The following SRGAP1 variants were observed in gnomAD, a reference collection of about 807,000 sequenced individuals.
SRGAP1 encodes SLIT-ROBO Rho GTPase-activating protein 1.
A neutral mutation model predicts 121.9 loss-of-function variants in SRGAP1; 43 were observed. The ratio of observed to expected loss-of-function variants is 0.35; its 90% CI spans 0.28 to 0.46. SRGAP1 has a LOEUF of 0.46. Among genes scored for constraint, SRGAP1 ranks in the 20% least tolerant of loss-of-function variants. SRGAP1 has a pLI of 1.00. For missense variants in SRGAP1, 1,102 were observed against 1,350.9 expected, an observed-to-expected ratio of 0.82 and a Z score of 2.89; for synonymous variants, 447 against 485.4, an observed-to-expected ratio of 0.92 and a Z score of 1.04.
At chr12:64,122,962 A>C (rs1407704507) in intron 18 of SRGAP1, among the ~76,000 whole-genome samples, 4 of 152,194 alleles carry the variant, frequency 2.6e-5, no homozygotes, top group Non-Finnish European at 5.9e-5. Flanking sequence ...ATTATAATAA[A>C]ATATGTATAT....
At chr12:63,941,955 A>G (rs939399865) in intron 1 of SRGAP1, among the ~76,000 whole-genome samples, 2 of 152,128 alleles carry the variant, frequency 1.3e-5, no homozygotes, top group Non-Finnish European at 2.9e-5. Context: ...CCTGGAAATC[A>G]CAGGTTTGGA....
intron 1 of SRGAP1, chr12:63,983,125 C>T (rs2033296353): frequency 6.6e-6 from 1 of 152,180 alleles, no homozygotes. Flanking sequence ...GGCACAGCAT[C>T]CCTATAAGCC....
chr12:64,103,416 G>C (rs1033508601), intron 15 of SRGAP1, among the ~76,000 whole-genome samples: 3 of 152,100 alleles, frequency 2.0e-5, no homozygotes, highest in African/African-American at 4.8e-5. Context: ...AAATCCCCTA[G>C]TTTAGACATT....
intron 10 of SRGAP1, among the ~76,000 whole-genome samples, chr12:64,086,226 C>G (rs540900502): frequency 6.6e-6 from 1 of 152,336 alleles, no homozygotes; most frequent in East Asian, 1.9e-4. Flanking sequence ...CTGAATGGTT[C>G]AATGTTTCCC....
intron 1 of SRGAP1, 153 bp from the exon 2 acceptor site, chr12:63,983,794 T>TTA (rs2033317886): frequency 9.5e-6 from 1 of 105,746 alleles, no homozygotes; most frequent in African/African-American, 4.2e-5. Context: ...TAAATACATT[T>TTA]AAAATATATA....
intron 1 of SRGAP1, among the ~76,000 whole-genome samples, chr12:63,859,426 T>C (rs1419293868): frequency 6.6e-6 from 1 of 152,012 alleles, no homozygotes; most frequent in Non-Finnish European, 1.5e-5. Context: ...CTCAGCCTCC[T>C]AAAGTGCTGG....
chr12:64,128,063 C>A lies in SRGAP1; in HGVS notation c.2743C>A (p.His915Asn). 1.9e-6 allele frequency: 3 copies of A among 1,614,146 alleles called. No individual in the cohort carries two copies. The highest frequency in any genetic ancestry group is 2.7e-5 in the African/African-American group (2 of 75,026). Reference protein sequence around the residue: ...DSPERRRRPGHGSLTNISRHD... With the variant: ...DSPERRRRPGNGSLTNISRHD... ...TCCTGAGCGGAGGCGCAGGCCTGGC[C>A]ATGGCAGCCTGACCAACATCAGCCG... The change falls in exon 21 of 22, where the codon CAT (histidine) becomes AAT (asparagine). Residue 915 changes from histidine (H) to asparagine (N), a missense_variant. By Grantham distance (68) the His-to-Asn change is moderately conservative. Around this residue, in one of 3 missense-constraint regions of SRGAP1, gnomAD observed 315 missense variants for 343.1 expected, o/e 0.92. Coordinates refer to ENST00000355086, the MANE Select transcript of SRGAP1 (RefSeq NM_020762.4).
rs1328293320 is a variant in SRGAP1 at position 64,147,642 on chromosome 12, C to T, written c.*4970C>T. 1 of 398,658 alleles carries T rather than the reference C, an allele frequency of 2.5e-6. No individual in the cohort carries two copies. Among genetic ancestry groups the T allele is most frequent in the Admixed American group, 4.4e-5 (1 of 22,730 alleles). The allele number at this position is 398,658 out of a possible 1,614,324, so 24.7% of individuals were successfully genotyped here. ...ACTGCCTCTCACCATTTCATTCCCT[C>T]CTCTCTGAGGTGAAAATAAAGGGGG... is the stretch of plus-strand genomic sequence containing the variant. On this transcript the variant is annotated 3_prime_UTR_variant, in exon 22 of 22. Coordinates refer to ENST00000355086, the MANE Select transcript of SRGAP1 (RefSeq NM_020762.4).
At chr12:63,954,950 C>CT (rs774949199) in intron 1 of SRGAP1, among the ~76,000 whole-genome samples, 11 of 152,022 alleles carry the variant, frequency 7.2e-5, no homozygotes, top group East Asian at 1.9e-4. Context: ...TTCCCCTTTC[C>CT]TTTTTTTTAA....
At chr12:64,062,193 T>G (rs1337114310) in intron 6 of SRGAP1, among the ~76,000 whole-genome samples, 7 of 152,210 alleles carry the variant, frequency 4.6e-5, no homozygotes, top group East Asian at 3.9e-4. Flanking sequence ...CACTTGCTAT[T>G]GTCTGTCTTA....
chr12:64,093,179 G>T (rs767209754), intron 12 of SRGAP1, among the ~76,000 whole-genome samples: 1 of 151,952 alleles, frequency 6.6e-6, no homozygotes, highest in Non-Finnish European at 1.5e-5. Context: ...AATGATAGAT[G>T]GAATGCACCC....
chr12:63,935,283 C>T (rs945888734), intron 1 of SRGAP1, among the ~76,000 whole-genome samples: 2 of 152,258 alleles, frequency 1.3e-5, no homozygotes, highest in Admixed American at 1.3e-4. Context: ...TAAGAAAACT[C>T]TGTTGGCAAA....
chr12:63,989,648 C>CCTTG (rs1281054057), intron 2 of SRGAP1, among the ~76,000 whole-genome samples: 2 of 152,230 alleles, frequency 1.3e-5, no homozygotes, highest in African/African-American at 4.8e-5. Flanking sequence ...GTCCCATGGT[C>CCTTG]CTTGTCAGGA....
chr12:63,877,740 G>A, intron 1 of SRGAP1, among the ~76,000 whole-genome samples: 1 of 152,214 alleles, frequency 6.6e-6, no homozygotes, highest in Non-Finnish European at 1.5e-5. Flanking sequence ...CAGGGTCAGA[G>A]AGTGTTGAGA....
intron 1 of SRGAP1, among the ~76,000 whole-genome samples, chr12:63,964,447 T>A (rs1474590219): frequency 6.6e-6 from 1 of 152,166 alleles, no homozygotes. Flanking sequence ...GTTTTAAGGA[T>A]GAAGTCACTT....
intron 3 of SRGAP1, among the ~76,000 whole-genome samples, chr12:64,003,969 C>A (rs1211824837): frequency 2.0e-5 from 3 of 152,222 alleles, no homozygotes; most frequent in African/African-American, 4.8e-5. Flanking sequence ...AAAAATGATA[C>A]ATTATTTTGT....
At chr12:63,987,643 A>T (rs897869400) in intron 2 of SRGAP1, among the ~76,000 whole-genome samples, 1 of 152,036 alleles carries the variant, frequency 6.6e-6, no homozygotes, top group Admixed American at 6.6e-5. Flanking sequence ...AATCGCTTGA[A>T]CCCCGGAGGA....
intron 5 of SRGAP1, 149 bp downstream of exon 5, chr12:64,043,121 T>C (rs377433003): frequency 4.5e-6 from 3 of 672,208 alleles, no homozygotes; most frequent in African/African-American, 1.8e-5. Context: ...TTAGGAAATA[T>C]AAAAATCATG....
intron 4 of SRGAP1, among the ~76,000 whole-genome samples, chr12:64,024,035 A>T (rs181088131): frequency 7.2e-5 from 11 of 152,284 alleles, no homozygotes; most frequent in South Asian, 2.1e-4. Context: ...AAACTCTCAC[A>T]CTTCATTCTA....
Sources: allele counts gnomAD v4.1 joint callset (sites outside exome capture counted in the v4.1 genomes callset), GRCh38; gene constraint gnomAD v4.1.1; regional missense constraint gnomAD v4.1.1; transcripts MANE v1.5; gene names NCBI Gene and HGNC (gene_info 2026-07-23, HGNC 2026-07-21).